SLC12A2: variants seen among roughly 807,000 people sequenced by gnomAD.
The protein encoded by SLC12A2 is solute carrier family 12 member 2, also known as Na-K-2Cl cotransporter 1.
SLC12A2 carries 67 observed loss-of-function variants against 136.3 expected under a neutral mutation model. The ratio of observed to expected loss-of-function variants is 0.49; its 90% CI spans 0.40 to 0.60. The LOEUF (loss-of-function observed/expected upper bound fraction) is 0.60, where lower values mean the gene tolerates loss of function less well. SLC12A2 is among the 20% of genes least tolerant of loss of function. SLC12A2 has a pLI of 0.00. For synonymous variants in SLC12A2, 619 were observed against 562.9 expected, an observed-to-expected ratio of 1.10 and a Z score of -1.41; for missense variants, 1,322 against 1,534.7, an observed-to-expected ratio of 0.86 and a Z score of 2.32.
At chr5:128,168,542 A>G (rs1473667479) in intron 18 of SLC12A2, 1 of 152,156 alleles carries the variant, frequency 6.6e-6, no homozygotes, top group African/African-American at 2.4e-5. Context: ...ATTCAAGCGC[A>G]TTACATTTAT....
At chr5:128,157,811 C>T (rs779475327) in intron 15 of SLC12A2, among the ~76,000 whole-genome samples, 24 of 152,032 alleles carry the variant, frequency 1.6e-4, no homozygotes, top group Non-Finnish European at 2.8e-4. Flanking sequence ...CTACCAGAAT[C>T]TTGATGTATA....
At chr5:128,184,903 T>C in intron 26 of SLC12A2, 47 bp downstream of exon 26, 4 of 1,444,178 alleles carry the variant, frequency 2.8e-6, no homozygotes, top group Non-Finnish European at 3.9e-6. Context: ...TATGATAATA[T>C]GCTTTGAATT....
Position 128,135,935 on chromosome 5 carries a change from A to G in SLC12A2, c.1408+127A>G, listed in dbSNP as rs1359826901. On this transcript the variant is annotated intron_variant, in intron 7 of 26. Coordinates refer to ENST00000262461, the MANE Select transcript of SLC12A2 (RefSeq NM_001046.3). ...ATGGTTTGGTGATTCACCCTAATTT[A>G]CAATTTAGTTTTGTCCCCTTTATGC... 6.0e-6 allele frequency: 4 copies of G among 670,376 alleles called. No homozygotes were observed. The East Asian group carries it at 8.3e-5, about 14-fold the overall frequency. 41.5% of individuals were successfully genotyped at this position (670,376 alleles called of 1,614,324 possible). A position where few individuals can be genotyped will look rare whatever the true frequency, so the allele number is the denominator to read the frequency against.
rs1299950776 is a variant in SLC12A2 at position 128,189,380 on chromosome 5, A to G, written c.*2749A>G. 1 of 152,162 alleles carries G rather than the reference A, an allele frequency of 6.6e-6. No homozygotes were observed. Among genetic ancestry groups the G allele is most frequent in the African/African-American group, 2.4e-5 (1 of 41,434 alleles). The allele number at this position is 152,162 out of a possible 1,614,324, so 9.4% of individuals were successfully genotyped here. On this transcript the variant is annotated 3_prime_UTR_variant, in exon 27 of 27. Transcript: ENST00000262461. ...AATGGTGGTGTTGAGCTGATTATTA[A>G]CAGTTACTGAAATCAAATATTTATT...
chr5:128,104,269 A>G (rs1439623222), intron 1 of SLC12A2, among the ~76,000 whole-genome samples: 1 of 152,222 alleles, frequency 6.6e-6, no homozygotes, highest in African/African-American at 2.4e-5. Flanking sequence ...CCTCTCTACC[A>G]GAATAGCCTC....
chr5:128,183,447 TA>T (rs1011105978), intron 24 of SLC12A2, among the ~76,000 whole-genome samples: 3 of 152,024 alleles, frequency 2.0e-5, no homozygotes, highest in African/African-American at 7.2e-5. Context: ...GAAGCTGATA[TA>T]AAGAATTCCT....
chr5:128,114,545 A>C (rs1460360986), intron 3 of SLC12A2, 41 bp from the exon 4 acceptor site: 2 of 1,334,706 alleles, frequency 1.5e-6, no homozygotes, highest in Admixed American at 1.7e-5. Context: ...GAGCTTAAAC[A>C]AGAGTGTAAG....
chr5:128,092,682 G>A (rs1297684826), intron 1 of SLC12A2, among the ~76,000 whole-genome samples: 7 of 151,954 alleles, frequency 4.6e-5, no homozygotes, highest in African/African-American at 1.7e-4. Flanking sequence ...TTGAAACCCC[G>A]TGTGTTTTTC....
chr5:128,119,815 A>G (rs1488218836), intron 4 of SLC12A2, among the ~76,000 whole-genome samples: 1 of 152,242 alleles, frequency 6.6e-6, no homozygotes, highest in Non-Finnish European at 1.5e-5. Context: ...CTGCATGTCT[A>G]AAACACCAAA....
rs566923196 is a variant in SLC12A2 at position 128,186,864 on chromosome 5, G to C, written c.*233G>C. On this transcript the variant is annotated 3_prime_UTR_variant, in exon 27 of 27. Coordinates refer to ENST00000262461, the MANE Select transcript of SLC12A2 (RefSeq NM_001046.3). ...GGTGATTCTTCTCTGTTGAACTGAA[G>C]TTTGTGAGAGTAGTTTTCCTTTGCT... is the stretch of plus-strand genomic sequence containing the variant. The C allele has an allele frequency of 2.7e-6, 1 of 373,494 alleles. No individual in the cohort carries two copies. The highest frequency in any genetic ancestry group is 4.8e-6 in the Non-Finnish European group (1 of 208,026). The allele number at this position is 373,494 out of a possible 1,614,324, so 23.1% of individuals were successfully genotyped here.
chr5:128,101,855 T>G (rs1488204018), intron 1 of SLC12A2, among the ~76,000 whole-genome samples: 1 of 152,210 alleles, frequency 6.6e-6, no homozygotes, highest in Non-Finnish European at 1.5e-5. Context: ...TATACTGTGT[T>G]GGCTTGGCAG....
At chr5:128,127,916 T>A (rs141833703) in intron 4 of SLC12A2, among the ~76,000 whole-genome samples, 105 of 152,210 alleles carry the variant, frequency 6.9e-4, no homozygotes, top group Non-Finnish European at 1.2e-3. Context: ...TTACTCTTTT[T>A]CCAGTTTCTG....
chr5:128,149,199 T>C (rs1164404515), intron 12 of SLC12A2, among the ~76,000 whole-genome samples: 1 of 151,808 alleles, frequency 6.6e-6, no homozygotes, highest in Non-Finnish European at 1.5e-5. Flanking sequence ...CTGCCTCTGA[T>C]CATAAGTGAG....
At chr5:128,134,136 C>T (rs1171140228) in intron 5 of SLC12A2, 29 bp from the exon 6 acceptor site, 7 of 1,173,578 alleles carry the variant, frequency 6.0e-6, no homozygotes. Context: ...ACTAGTATTG[C>T]TTATTATATT....
At chr5:128,184,063 G>T (rs1042522974) in intron 24 of SLC12A2, among the ~76,000 whole-genome samples, 1 of 151,958 alleles carries the variant, frequency 6.6e-6, no homozygotes, top group Non-Finnish European at 1.5e-5. Context: ...GTTCCACTGA[G>T]CATTTCCATT....
chr5:128,153,039 G>GT (rs919469296), intron 15 of SLC12A2, among the ~76,000 whole-genome samples: 7 of 152,280 alleles, frequency 4.6e-5, no homozygotes, highest in African/African-American at 1.4e-4. Flanking sequence ...TAAAGTCAAA[G>GT]TTTGATTTTC....
intron 4 of SLC12A2, among the ~76,000 whole-genome samples, chr5:128,126,968 T>TATATATATATATATATATATAA (rs1761831735): frequency 1.1e-4 from 6 of 54,356 alleles, no homozygotes; most frequent in Non-Finnish European, 6.6e-5. Context: ...ATATATATAT[T>TATATATATATATATATATATAA]TTTTTTTTTT....
At chr5:128,122,768 T>A (rs1470857963) in intron 4 of SLC12A2, among the ~76,000 whole-genome samples, 3 of 152,088 alleles carry the variant, frequency 2.0e-5, no homozygotes, top group African/African-American at 4.8e-5. Flanking sequence ...ATTGTCAAAT[T>A]TTTTTGTTTT....
At chr5:128,118,049 A>T (rs1039927641) in intron 4 of SLC12A2, among the ~76,000 whole-genome samples, 3 of 152,042 alleles carry the variant, frequency 2.0e-5, no homozygotes, top group South Asian at 2.1e-4. Context: ...GGCCTTAATT[A>T]AAAAAAATAA....
Sources: allele counts gnomAD v4.1 joint callset (sites outside exome capture counted in the v4.1 genomes callset), GRCh38; gene constraint gnomAD v4.1.1; transcripts MANE v1.5; gene names NCBI Gene and HGNC (gene_info 2026-07-23, HGNC 2026-07-21).